The following PTGER4 variants were observed in gnomAD, a reference collection of about 807,000 sequenced individuals.
PTGER4 encodes the protein prostaglandin E2 receptor EP4 subtype.
A neutral mutation model predicts 33.2 loss-of-function variants in PTGER4; 11 were observed. The observed-to-expected ratio is 0.33, with a 90% confidence interval of 0.21 to 0.55. The LOEUF (loss-of-function observed/expected upper bound fraction) is 0.55, where lower values mean the gene tolerates loss of function less well. Among genes scored for constraint, PTGER4 ranks in the 20% least tolerant of loss-of-function variants. PTGER4 has a pLI of 0.92. For missense variants in PTGER4, 481 were observed against 650.2 expected (o/e 0.74, Z 2.83); for synonymous variants, 275 against 281.5 (o/e 0.98, Z 0.23).
chr5:40,731,642 C>T, the PTGER4 span, among the ~76,000 whole-genome samples: 1 of 152,206 alleles, frequency 6.6e-6, no homozygotes, highest in East Asian at 1.9e-4. Context: ...ATGGCAGAAA[C>T]TGCCGCCATA....
intron 2 of PTGER4, among the ~76,000 whole-genome samples, chr5:40,687,957 A>G (rs10055925): frequency 0.27 from 41,398 of 152,134 alleles, 6,035 homozygotes; most frequent in East Asian, 0.56. Context: ...GGATGAGATG[A>G]GGCACAGAAA....
Position 40,681,788 on chromosome 5 carries a change from C to A in PTGER4, c.795C>A (p.Gly265=), listed in dbSNP as rs1369237144. ...GCCGGAGCTTCCGCCGCATCGCGGG[C>A]GCCGAGATCCAGATGGTCATCTTAC... The part of the protein sequence containing the change: ...RRRRSFRRIA[G]AEIQMVILLI... Residue 265 remains glycine, a synonymous_variant, in exon 2 of 3, where the codon GGC becomes GGA. Transcript: ENST00000302472. The surrounding 1 kb of genome is among the most constrained non-coding windows in gnomAD (Gnocchi z 9.8). 6.3e-7 allele frequency: 1 copy of A among 1,594,440 alleles called. No homozygotes were observed. Among genetic ancestry groups the A allele is most frequent in the South Asian group, 1.1e-5 (1 of 88,936 alleles).
At chr5:40,694,543 C>T (rs1741545294), downstream of PTGER4, among the ~76,000 whole-genome samples, 1 of 152,202 alleles carries the variant, frequency 6.6e-6, no homozygotes, top group Non-Finnish European at 1.5e-5. Flanking sequence ...AGCCCCCTCT[C>T]CTTGACTTGC....
At chr5:40,742,999 CTA>C in the PTGER4 span, among the ~76,000 whole-genome samples, 1 of 152,176 alleles carries the variant, frequency 6.6e-6, no homozygotes, top group African/African-American at 2.4e-5. Flanking sequence ...GCTGAAGACA[CTA>C]TACAAGTTAG....
chr5:40,694,278 T>A (rs925610752), downstream of PTGER4, among the ~76,000 whole-genome samples: 1 of 152,196 alleles, frequency 6.6e-6, no homozygotes, highest in Admixed American at 6.5e-5. Context: ...CTCAAACTCC[T>A]GGCTTCAAGC....
the PTGER4 span, among the ~76,000 whole-genome samples, chr5:40,727,469 T>C: frequency 2.0e-5 from 3 of 152,238 alleles, no homozygotes; most frequent in Non-Finnish European, 4.4e-5. Flanking sequence ...CAAGGTATAG[T>C]CCAGACAAAT....
At position 40,681,111 on chromosome 5, in the gene PTGER4, G is replaced by C. The variant is rs372855498; in HGVS notation, c.118G>C (p.Val40Leu). 1 of 1,614,152 alleles carries C rather than the reference G, an allele frequency of 6.2e-7. No homozygotes were observed. ...GGTGGTGGGCAACCTGGTGGCCATC[G>C]TGGTGCTGTGCAAGTCGCGCAAGGA... ...FGVVGNLVAI[V>L]VLCKSRKEQK... Residue 40 changes from valine (V) to leucine (L), a missense_variant, in exon 2 of 3, where the codon GTG (valine) becomes CTG (leucine). Transcript: ENST00000302472. The surrounding 1 kb of genome is among the most constrained non-coding windows in gnomAD (Gnocchi z 9.8).
chr5:40,719,564 A>C, the PTGER4 span, among the ~76,000 whole-genome samples: 1 of 152,228 alleles, frequency 6.6e-6, no homozygotes, highest in Non-Finnish European at 1.5e-5. Flanking sequence ...TTGGGTATAA[A>C]GAGTGGAACT....
chr5:40,727,479 T>C, the PTGER4 span, among the ~76,000 whole-genome samples: 5 of 152,184 alleles, frequency 3.3e-5, no homozygotes, highest in South Asian at 2.1e-4. Flanking sequence ...TCCAGACAAA[T>C]TGAGAGATGC....
chr5:40,722,708 G>A, the PTGER4 span, among the ~76,000 whole-genome samples: 938 of 151,538 alleles, frequency 6.2e-3, 5 homozygotes, highest in African/African-American at 0.019. Flanking sequence ...GTCTCCGCCC[G>A]GCCAGCGCCC....
the PTGER4 span, among the ~76,000 whole-genome samples, chr5:40,737,165 C>T: frequency 3.9e-5 from 6 of 152,030 alleles, no homozygotes; most frequent in Non-Finnish European, 5.9e-5. Context: ...GGCATGGTGG[C>T]GCACACCTGT....
the PTGER4 span, among the ~76,000 whole-genome samples, chr5:40,737,399 G>A: frequency 1.1e-3 from 169 of 151,734 alleles, no homozygotes; most frequent in Non-Finnish European, 2.1e-3. Flanking sequence ...ACCAAGACCC[G>A]AAAATACATA....
the PTGER4 span, among the ~76,000 whole-genome samples, chr5:40,699,563 G>T: frequency 2.0e-5 from 3 of 152,068 alleles, no homozygotes; most frequent in South Asian, 2.1e-4. Context: ...GAAACTATAG[G>T]CCAATATCCC....
downstream of PTGER4, among the ~76,000 whole-genome samples, chr5:40,698,402 T>C (rs1383697637): frequency 1.3e-5 from 2 of 152,200 alleles, no homozygotes; most frequent in African/African-American, 4.8e-5. Flanking sequence ...TAAGTTATAG[T>C]TATACTCATC....
the PTGER4 span, among the ~76,000 whole-genome samples, chr5:40,721,356 T>C: frequency 2.0e-5 from 3 of 151,742 alleles, no homozygotes; most frequent in Admixed American, 1.3e-4. Context: ...TTTCAAAATA[T>C]ATTACAAAGT....
At chr5:40,745,389 A>G in the PTGER4 span, among the ~76,000 whole-genome samples, 1 of 152,154 alleles carries the variant, frequency 6.6e-6, no homozygotes, top group African/African-American at 2.4e-5. Context: ...TTTCAAATAG[A>G]TCAGCAAAAA....
the PTGER4 span, among the ~76,000 whole-genome samples, chr5:40,724,582 G>A: frequency 2.6e-5 from 4 of 151,060 alleles, no homozygotes; most frequent in Admixed American, 1.3e-4. Context: ...GAAGTGAGCC[G>A]AGATCACACC....
In PTGER4 at chr5:40,680,929, G is replaced by A. The variant is rs1741167759; in HGVS notation, c.-43-22G>A. 2 of 1,532,334 alleles carry A rather than the reference G, an allele frequency of 1.3e-6. No homozygotes were observed. Among genetic ancestry groups the A allele is most frequent in the South Asian group, 2.6e-5 (2 of 78,290 alleles). The allele number at this position is 1,532,334 out of a possible 1,614,324, so 94.9% of individuals were successfully genotyped here. On this transcript the variant is annotated intron_variant, in intron 1 of 2. Transcript: ENST00000302472. This position sits in a 1 kb window ranked among gnomAD's most constrained non-coding sequence, Gnocchi z 5.5. ...GGTAATTTCCGCTCACGGCAGCTTT[G>A]TCTCTCTTCTACCATCCCCAGACCC...
chr5:40,686,757 G>T (rs1232608861), intron 2 of PTGER4, among the ~76,000 whole-genome samples: 1 of 152,148 alleles, frequency 6.6e-6, no homozygotes, highest in African/African-American at 2.4e-5. Flanking sequence ...AATTAGGTGG[G>T]TGTGGTAACA....
Sources: allele counts gnomAD v4.1 joint callset (sites outside exome capture counted in the v4.1 genomes callset), GRCh38; gene constraint gnomAD v4.1.1; non-coding constraint Gnocchi (gnomAD v3.1); transcripts MANE v1.5; gene names NCBI Gene and HGNC (gene_info 2026-07-23, HGNC 2026-07-21).